Variants in SORL1 observed in about 807,000 individuals in gnomAD.
SORL1 encodes the protein sortilin related receptor 1.
Under a neutral mutation model 273.7 loss-of-function variants are expected in SORL1, and 127 were observed. The observed-to-expected ratio is 0.46, with a 90% CI of 0.40 to 0.54. SORL1 has a LOEUF of 0.54. Among genes scored for constraint, SORL1 ranks in the 20% least tolerant of loss-of-function variants. The probability of loss-of-function intolerance (pLI) is 0.00; values close to 1 mark genes in which losing one functional copy is unlikely to be tolerated. For missense variants in SORL1, 2,494 were observed against 2,846.1 expected (o/e 0.88, Z 2.81); for synonymous variants, 1,031 against 1,067.4 (o/e 0.97, Z 0.66).
chr11:121,545,373 C>T lies in SORL1; in HGVS notation c.1995C>T (p.Asp665=). The stretch of plus-strand genomic sequence containing the variant: ...ATGCCACATGCTTCAATGGAGAGGA[C>T]TTTGACAGGCCGGTGGTCGTGTCCA... The part of the protein sequence containing the change: ...TPHATCFNGE[D]FDRPVVVSNC... Residue 665 remains aspartate, a synonymous_variant, in exon 14 of 48, where the codon GAC becomes GAT. Coordinates refer to ENST00000260197, the MANE Select transcript of SORL1 (RefSeq NM_003105.6). 6.2e-7 allele frequency: 1 copy of T among 1,614,172 alleles called. No homozygotes were observed. The highest frequency in any genetic ancestry group is 8.5e-7 in the Non-Finnish European group (1 of 1,180,024).
At chr11:121,497,895 C>T (rs560517965) in intron 6 of SORL1, among the ~76,000 whole-genome samples, 5 of 152,202 alleles carry the variant, frequency 3.3e-5, no homozygotes, top group East Asian at 1.9e-4. Flanking sequence ...TGAAATCAGA[C>T]GTAATCTTTT....
At chr11:121,502,577 A>G (rs1861728034) in intron 6 of SORL1, among the ~76,000 whole-genome samples, 2 of 152,194 alleles carry the variant, frequency 1.3e-5, no homozygotes, top group Non-Finnish European at 1.5e-5. Flanking sequence ...TTTGGATGAT[A>G]GCCATCCCAG....
At chr11:121,610,177 T>C (rs1863540920) in intron 38 of SORL1, 2 of 152,240 alleles carry the variant, frequency 1.3e-5, no homozygotes, top group African/African-American at 4.8e-5. Flanking sequence ...GGGGCATATG[T>C]GTGGAGAGTC....
At chr11:121,587,332 T>C (rs1442736552) in intron 27 of SORL1, among the ~76,000 whole-genome samples, 1 of 152,208 alleles carries the variant, frequency 6.6e-6, no homozygotes, top group Non-Finnish European at 1.5e-5. Context: ...TGAGGCTATA[T>C]AGTTCAAGTC....
Position 121,606,878 on chromosome 11 carries a change from TC to T in SORL1, c.4986del (p.Arg1663GlyfsTer6). The T allele has an allele frequency of 6.2e-7, 1 of 1,611,938 alleles. No homozygotes were observed. Among genetic ancestry groups the T allele is most frequent in the Non-Finnish European group, 8.5e-7 (1 of 1,178,620 alleles). On this transcript the variant is annotated frameshift_variant, in exon 36 of 48. Transcript: ENST00000260197. LOFTEE classifies it high-confidence loss of function. ...GCCCCTCGAAATCTCCAGCTGTCACTCCCCAGGGAAGCAGAAGGTGTGATTG... is the reference window on the plus strand; with the variant it reads ...GCCCCTCGAAATCTCCAGCTGTCACTCCCAGGGAAGCAGAAGGTGTGATTG... ...PDAPRNLQLS[L>X]PREAEGVIVG...
Position 121,612,717 on chromosome 11 carries a change from G to A in SORL1, c.5323-19G>A, listed in dbSNP as rs200668546. 24 of 1,598,930 alleles carry A rather than the reference G, an allele frequency of 1.5e-5. No individual in the cohort carries two copies. Among genetic ancestry groups the A allele is most frequent in the Middle Eastern group, 1.7e-4 (1 of 6,038 alleles). ...CCATGACTAGCTGTTCATCTAACAT[G>A]CTTCTTGGTTCTCGGCAGGTGAATG... On this transcript the variant is annotated intron_variant, in intron 39 of 47. Coordinates refer to ENST00000260197, the MANE Select transcript of SORL1 (RefSeq NM_003105.6).
chr11:121,612,869 G>A (rs769297424), intron 40 of SORL1, 37 bp downstream of exon 40: 5 of 1,477,976 alleles, frequency 3.4e-6, no homozygotes, highest in South Asian at 1.1e-5. Context: ...TGTGCAGGAA[G>A]GGGTAAGGCT....
intron 10 of SORL1, 91 bp downstream of exon 10, chr11:121,522,794 A>G (rs1862060790): frequency 1.5e-6 from 2 of 1,369,254 alleles, no homozygotes. Context: ...TCCAGCAGTA[A>G]CCACGCTTTG....
chr11:121,545,529 A>G (rs963119437), intron 14 of SORL1, 100 bp downstream of exon 14: 2 of 1,035,200 alleles, frequency 1.9e-6, no homozygotes, highest in African/African-American at 3.2e-5. Flanking sequence ...GAGCAAAGGA[A>G]GGGAATAGAA....
intron 12 of SORL1, among the ~76,000 whole-genome samples, chr11:121,541,859 G>A (rs1456304163): frequency 6.6e-6 from 1 of 152,150 alleles, no homozygotes; most frequent in African/African-American, 2.4e-5. Context: ...CTCAAATGCT[G>A]CTTAGTTTTT....
chr11:121,555,255 T>A lies in SORL1; in HGVS notation c.2508T>A (p.Ala836=). 13 of 1,614,120 alleles carry A rather than the reference T, an allele frequency of 8.1e-6. No individual in the cohort carries two copies. The highest frequency in any genetic ancestry group is 1.0e-5 in the Non-Finnish European group (12 of 1,179,946). ...IINSGLETVE[A]LAFEPLSQLL... ...ATTCTGGCCTGGAGACAGTAGAAGC[T>A]TTGGCTTTTGAACCCCTCAGCCAGC... The change falls in exon 18 of 48, where the codon GCT becomes GCA. Residue 836 remains alanine, a synonymous_variant. Coordinates refer to ENST00000260197, the MANE Select transcript of SORL1 (RefSeq NM_003105.6).
At chr11:121,547,260 C>A (rs1178379212) in intron 14 of SORL1, among the ~76,000 whole-genome samples, 1 of 151,324 alleles carries the variant, frequency 6.6e-6, no homozygotes, top group African/African-American at 2.4e-5. Flanking sequence ...CTCTTCCTAT[C>A]CCCAATATGT....
chr11:121,463,132 G>C (rs186336575), intron 1 of SORL1, among the ~76,000 whole-genome samples: 1 of 152,176 alleles, frequency 6.6e-6, no homozygotes, highest in Non-Finnish European at 1.5e-5. Flanking sequence ...GCACATGGCC[G>C]TGTGTTTTCA....
At chr11:121,493,130 A>T (rs1861580384) in intron 5 of SORL1, among the ~76,000 whole-genome samples, 1 of 152,046 alleles carries the variant, frequency 6.6e-6, no homozygotes, top group South Asian at 2.1e-4. Context: ...AGGCATGTGC[A>T]GCCATCCCTA....
Position 121,558,669 on chromosome 11 carries a change from C to T in SORL1, c.2742C>T (p.His914=), listed in dbSNP as rs1565336132. The change falls in exon 20 of 48, where the codon CAC becomes CAT. Residue 914 remains histidine (H), a synonymous_variant. Coordinates refer to ENST00000260197, the MANE Select transcript of SORL1 (RefSeq NM_003105.6). The part of the protein sequence containing the change: ...RSNMDGSAAY[H]LVSEDVKWPN... The stretch of plus-strand genomic sequence containing the variant: ...ATATGGATGGTTCTGCTGCCTATCA[C>T]CTGGTGTCTGAGGATGTGAAGTGGC... 2 of 1,614,018 alleles carry T rather than the reference C, an allele frequency of 1.2e-6. No individual in the cohort carries two copies. Among genetic ancestry groups the T allele is most frequent in the Non-Finnish European group, 1.7e-6 (2 of 1,180,000 alleles).
In SORL1 at chr11:121,604,076, G is replaced by A. The variant is rs1418768230; in HGVS notation, c.4520-117G>A. On this transcript the variant is annotated intron_variant, in intron 32 of 47. Coordinates refer to ENST00000260197, the MANE Select transcript of SORL1 (RefSeq NM_003105.6). ...GATTCCACCACTGGTCATTCCAGAG[G>A]TGTGTTTTGAAGCAGAAGCCAATTA... is the stretch of plus-strand genomic sequence containing the variant. 2.4e-6 allele frequency: 3 copies of A among 1,247,364 alleles called. No homozygotes were observed. The Admixed American group carries it at 5.8e-5, about 24-fold the overall frequency. 77.3% of individuals were successfully genotyped at this position (1,247,364 alleles called of 1,614,324 possible). A position where few individuals can be genotyped will look rare whatever the true frequency, so the allele number is the denominator to read the frequency against.
Position 121,570,273 on chromosome 11 carries a change from G to A in SORL1, c.3337+3G>A. On this transcript the variant is annotated splice_donor_region_variant and intron_variant, in intron 23 of 47. Coordinates refer to ENST00000260197, the MANE Select transcript of SORL1 (RefSeq NM_003105.6). Reference sequence around the variant, plus strand: ...CATGAGCGATGAGAGAAACTGCCGTGAGTCTTCTGGATTGGACGTTAAGCA... The same window carrying A: ...CATGAGCGATGAGAGAAACTGCCGTAAGTCTTCTGGATTGGACGTTAAGCA... The A allele has an allele frequency of 3.7e-6, 6 of 1,603,224 alleles. No homozygotes were observed. Among genetic ancestry groups the A allele is most frequent in the Non-Finnish European group, 5.1e-6 (6 of 1,170,178 alleles).
intron 6 of SORL1, among the ~76,000 whole-genome samples, chr11:121,511,083 A>G (rs1390642439): frequency 6.6e-6 from 1 of 152,208 alleles, no homozygotes; most frequent in Non-Finnish European, 1.5e-5. Context: ...GAAGTAAAAC[A>G]ATACAGTAAC....
intron 4 of SORL1, among the ~76,000 whole-genome samples, chr11:121,488,486 C>T (rs1188250471): frequency 1.3e-5 from 2 of 152,072 alleles, no homozygotes; most frequent in African/African-American, 2.4e-5. Context: ...TGGGGTAAAT[C>T]GAGGCTCTGG....
Sources: allele counts gnomAD v4.1 joint callset (sites outside exome capture counted in the v4.1 genomes callset), GRCh38; gene constraint gnomAD v4.1.1; transcripts MANE v1.5; gene names NCBI Gene and HGNC (gene_info 2026-07-23, HGNC 2026-07-21).